Variants in ST3GAL3 observed in about 807,000 individuals in gnomAD.
ST3GAL3 encodes the protein CMP-N-acetylneuraminate-beta-1,4-galactoside alpha-2,3-sialyltransferase.
Under a neutral mutation model 50.1 loss-of-function variants are expected in ST3GAL3, and 21 were observed. The observed-to-expected ratio is 0.42, with a 90% confidence interval of 0.30 to 0.60. The LOEUF is 0.60. Ranked by LOEUF, ST3GAL3 falls within the 20% of genes least tolerant of loss-of-function variation. The pLI, the probability that ST3GAL3 is intolerant of heterozygous loss-of-function variation, is 0.19. For missense variants in ST3GAL3, 353 were observed against 489.4 expected (o/e 0.72, Z 2.63); for synonymous variants, 183 against 190.0 (o/e 0.96, Z 0.30).
At chr1:43,847,815 A>G (rs924075365) in intron 5 of ST3GAL3, among the ~76,000 whole-genome samples, 4 of 152,250 alleles carry the variant, frequency 2.6e-5, no homozygotes, top group Non-Finnish European at 4.4e-5. Flanking sequence ...AAACATTTTA[A>G]AAGTTTTTTT....
At chr1:43,732,726 C>T (rs952332909) in intron 1 of ST3GAL3, among the ~76,000 whole-genome samples, 3 of 152,124 alleles carry the variant, frequency 2.0e-5, no homozygotes, top group South Asian at 2.1e-4. Context: ...TTTCTAGTAT[C>T]TTGCTGTTAT....
intron 5 of ST3GAL3, among the ~76,000 whole-genome samples, chr1:43,865,143 A>C (rs986735734): frequency 5.3e-5 from 8 of 151,714 alleles, no homozygotes; most frequent in Admixed American, 2.6e-4. Flanking sequence ...CAGCCTCCTG[A>C]GTAGCTGGGA....
intron 1 of ST3GAL3, among the ~76,000 whole-genome samples, chr1:43,714,085 G>A (rs1027970735): frequency 4.6e-5 from 7 of 151,852 alleles, no homozygotes; most frequent in Admixed American, 3.3e-4. Flanking sequence ...CCAATGTGTT[G>A]AAACCCCGTC....
chr1:43,883,613 T>A (rs1446258176), intron 5 of ST3GAL3, among the ~76,000 whole-genome samples: 1 of 152,210 alleles, frequency 6.6e-6, no homozygotes, highest in Non-Finnish European at 1.5e-5. Flanking sequence ...TTACACCTAG[T>A]CAGAATGCAC....
At chr1:43,882,412 C>T (rs2075294693) in intron 5 of ST3GAL3, among the ~76,000 whole-genome samples, 2 of 152,122 alleles carry the variant, frequency 1.3e-5, no homozygotes, top group Admixed American at 1.3e-4. Context: ...AAGAGCTTAA[C>T]CTTTACCTTC....
chr1:43,718,252 CG>C (rs1419827542), intron 1 of ST3GAL3, among the ~76,000 whole-genome samples: 35 of 128,952 alleles, frequency 2.7e-4, no homozygotes, highest in African/African-American at 9.7e-4. Context: ...TGCAGTGGCG[CG>C]ATCTTGGCTC....
intron 1 of ST3GAL3, among the ~76,000 whole-genome samples, chr1:43,712,281 C>G (rs183565271): frequency 2.6e-5 from 4 of 152,312 alleles, no homozygotes; most frequent in Admixed American, 1.3e-4. Flanking sequence ...AAGGAGCCCT[C>G]AGAAATACAG....
At chr1:43,853,935 T>A (rs2067841841) in intron 5 of ST3GAL3, among the ~76,000 whole-genome samples, 1 of 152,150 alleles carries the variant, frequency 6.6e-6, no homozygotes, top group South Asian at 2.1e-4. Flanking sequence ...CTGGGGACTT[T>A]AAAAGCTTGT....
chr1:43,817,733 C>CCCG (rs1553351632), intron 4 of ST3GAL3, among the ~76,000 whole-genome samples: 1 of 112,906 alleles, frequency 8.9e-6, no homozygotes, highest in African/African-American at 3.6e-5. Flanking sequence ...CTCCTCCTCC[C>CCCG]CCTCCTCCTC....
At chr1:43,778,590 A>G (rs2154139538) in intron 2 of ST3GAL3, among the ~76,000 whole-genome samples, 1 of 152,012 alleles carries the variant, frequency 6.6e-6, no homozygotes, top group Middle Eastern at 3.4e-3. Flanking sequence ...ATTTAGTAAG[A>G]TATTCAATAG....
chr1:43,815,806 A>G (rs2061160850), intron 4 of ST3GAL3, among the ~76,000 whole-genome samples: 2 of 152,052 alleles, frequency 1.3e-5, no homozygotes, highest in African/African-American at 4.8e-5. Context: ...CTTCCCTACT[A>G]GGCTTCTTGG....
intron 5 of ST3GAL3, among the ~76,000 whole-genome samples, chr1:43,874,945 G>A (rs2073777521): frequency 6.6e-6 from 1 of 152,116 alleles, no homozygotes; most frequent in Non-Finnish European, 1.5e-5. Context: ...GGGCCTCACT[G>A]GTATTTTGAG....
chr1:43,807,417 A>AAAATAAAT (rs59894927), intron 3 of ST3GAL3, among the ~76,000 whole-genome samples: 45,885 of 142,480 alleles, frequency 0.32, 8,428 homozygotes, highest in East Asian at 0.63. Flanking sequence ...CTCTGTCTCA[A>AAAATAAAT]AAATAAATAA....
chr1:43,707,918 G>C (rs1359590491), intron 1 of ST3GAL3: 1 of 152,358 alleles, frequency 6.6e-6, no homozygotes. Flanking sequence ...GCCGAGCCTG[G>C]GGGAAAGGCC....
chr1:43,867,166 T>A (rs2154241606), intron 5 of ST3GAL3, among the ~76,000 whole-genome samples: 1 of 152,256 alleles, frequency 6.6e-6, no homozygotes, highest in Middle Eastern at 3.4e-3. Context: ...TGAGACTCAT[T>A]CACTATGATG....
At chr1:43,829,766 C>T (rs922509718) in intron 4 of ST3GAL3, among the ~76,000 whole-genome samples, 2 of 152,104 alleles carry the variant, frequency 1.3e-5, no homozygotes, top group African/African-American at 2.4e-5. Flanking sequence ...AAATTGTCTG[C>T]CTCCTCCATA....
chr1:43,828,953 A>T (rs2063176701), intron 4 of ST3GAL3, among the ~76,000 whole-genome samples: 1 of 152,170 alleles, frequency 6.6e-6, no homozygotes, highest in Admixed American at 6.5e-5. Context: ...CTACACAAAA[A>T]CCATACATGA....
intron 2 of ST3GAL3, chr1:43,736,687 T>C: frequency 2.2e-6 from 1 of 455,262 alleles, no homozygotes; most frequent in East Asian, 4.6e-5. Context: ...TTGTTCTTTC[T>C]AATTGCTGTA....
intron 3 of ST3GAL3, among the ~76,000 whole-genome samples, chr1:43,808,303 CAAAAAA>C (rs35302476): frequency 1.8e-5 from 2 of 108,234 alleles, no homozygotes; most frequent in Non-Finnish European, 1.9e-5. Context: ...GACTCCATCT[CAAAAAA>C]AAAAAAAAAA....
Sources: allele counts gnomAD v4.1 joint callset (sites outside exome capture counted in the v4.1 genomes callset), GRCh38; gene constraint gnomAD v4.1.1; transcripts MANE v1.5; gene names NCBI Gene and HGNC (gene_info 2026-07-23, HGNC 2026-07-21).